BTN2A1: variants seen among roughly 807,000 people sequenced by gnomAD.
BTN2A1 encodes butyrophilin subfamily 2 member A1.
BTN2A1 carries 41 observed loss-of-function variants against 34.5 expected under a neutral mutation model. The observed-to-expected ratio is 1.19, with a 90% CI of 0.93 to 1.54. The LOEUF is 1.54. Ranked by LOEUF, BTN2A1 falls within the 40% of genes most tolerant of loss-of-function variation. The pLI is 0.00. For synonymous variants in BTN2A1, 267 were observed against 258.6 expected, an observed-to-expected ratio of 1.03 and a Z score of -0.31; for missense variants, 642 against 662.0, an observed-to-expected ratio of 0.97 and a Z score of 0.33.
Position 26,466,091 on chromosome 6 carries a change from G to C in BTN2A1, c.982+3G>C. On this transcript the variant is annotated splice_donor_region_variant and intron_variant, in intron 7 of 7. Coordinates refer to ENST00000312541, the MANE Select transcript of BTN2A1 (RefSeq NM_007049.5). ...GAGAAGAACATTCTTACATGCTGGT[G>C]AGTGCCTCTGATGTTCCCTCAGATC... The C allele has an allele frequency of 6.2e-7, 1 of 1,613,540 alleles. No homozygotes were observed. Among genetic ancestry groups the C allele is most frequent in the Non-Finnish European group, 8.5e-7 (1 of 1,180,016 alleles).
rs1763113267 is a variant in BTN2A1, at chr6:26,459,811, T to C, written c.413T>C (p.Leu138Pro). The C allele has an allele frequency of 6.2e-7, 1 of 1,613,152 alleles. No homozygotes were observed. The change falls in exon 3 of 8, where the codon CTG (leucine) becomes CCG (proline). Residue 138 changes from leucine (L) to proline (P), a missense_variant. Physicochemically the swap from Leu to Pro is moderately conservative, Grantham distance 98. Transcript: ENST00000312541. ...QEGRSYDEAI[L>P]HLVVAGLGSK... ...GGCAGGTCCTACGATGAGGCCATCC[T>C]GCACCTCGTAGTGGCAGGTGCGTCG...
chr6:26,468,164 T>G lies in BTN2A1; in HGVS notation c.1199T>G (p.Val400Gly), dbSNP rs1328777228. The part of the protein sequence containing the change: ...VEVENVIEWT[V>G]GVCRDSVERK... Reference sequence around the variant, plus strand: ...GTGGAAAACGTGATTGAGTGGACTGTGGGGGTCTGTAGAGACAGTGTTGAG... The same window carrying G: ...GTGGAAAACGTGATTGAGTGGACTGGGGGGGTCTGTAGAGACAGTGTTGAG... Residue 400 changes from valine (V) to glycine (G), a missense_variant, in exon 8 of 8, where the codon GTG becomes GGG. Coordinates refer to ENST00000312541, the MANE Select transcript of BTN2A1 (RefSeq NM_007049.5). 6.2e-6 allele frequency: 10 copies of G among 1,613,868 alleles called. No individual in the cohort carries two copies. In the East Asian group the frequency reaches 8.9e-5, roughly 14 times the overall value.
Position 26,459,723 on chromosome 6 carries a change from G to T in BTN2A1, c.325G>T (p.Ala109Ser). 1 of 1,614,122 alleles carries T rather than the reference G, an allele frequency of 6.2e-7. No homozygotes were observed. The highest frequency in any genetic ancestry group is 8.5e-7 in the Non-Finnish European group (1 of 1,180,014). The change falls in exon 3 of 8, where the codon GCC (alanine) becomes TCC (serine). Residue 109 changes from alanine to serine, a missense_variant. Coordinates refer to ENST00000312541, the MANE Select transcript of BTN2A1 (RefSeq NM_007049.5). ...CAAAGACATCAGCAGGGGCAGCGTG[G>T]CCCTGGTCATACACAACATCACAGC... ...VSKDISRGSV[A>S]LVIHNITAQE... is the part of the protein sequence containing the mutation.
At chr6:26,458,399 G>A (rs1763065982) in intron 1 of BTN2A1, among the ~76,000 whole-genome samples, 1 of 152,176 alleles carries the variant, frequency 6.6e-6, no homozygotes. Context: ...GAGGAGGGCG[G>A]AAAAAGGCCC....
chr6:26,468,569 C>G lies in BTN2A1; in HGVS notation c.*20C>G, dbSNP rs199776599. 22 of 1,614,172 alleles carry G rather than the reference C, an allele frequency of 1.4e-5. No individual in the cohort carries two copies. Among genetic ancestry groups the G allele is most frequent in the Non-Finnish European group, 5.1e-6 (6 of 1,180,036 alleles). On this transcript the variant is annotated 3_prime_UTR_variant, in exon 8 of 8. Coordinates refer to ENST00000312541, the MANE Select transcript of BTN2A1 (RefSeq NM_007049.5). ...CTATAGAATCAATTCCTTGGTCTCA[C>G]AGCCATGTAGACAAGCCCTGGTCAT...
rs554227538 is a variant in BTN2A1 at position 26,458,677 on chromosome 6, C to CCCTCCTCCT, written c.52_60dup (p.Leu18_Leu20dup). ...GCCCTGCACTTCTCCCGGCCAGCCT[C>CCCTCCTCCT]CCTCCTCCTCCTCCTCCTCAGCCTG... is the stretch of plus-strand genomic sequence containing the variant. On this transcript the variant is annotated inframe_insertion, in exon 2 of 8. Transcript: ENST00000312541. The CCCTCCTCCT allele has an allele frequency of 1.2e-6, 2 of 1,604,044 alleles. No individual in the cohort carries two copies. Among genetic ancestry groups the CCCTCCTCCT allele is most frequent in the African/African-American group, 1.3e-5 (1 of 74,588 alleles).
At chr6:26,462,130 CAGA>C (rs1373783874) in intron 3 of BTN2A1, among the ~76,000 whole-genome samples, 2 of 152,144 alleles carry the variant, frequency 1.3e-5, no homozygotes, top group Admixed American at 6.5e-5. Flanking sequence ...AGGAATTACT[CAGA>C]AGAAGTTTAG....
Position 26,467,948 on chromosome 6 carries a change from T to A in BTN2A1, c.983T>A (p.Val328Asp). 1 of 1,610,764 alleles carries A rather than the reference T, an allele frequency of 6.2e-7. No homozygotes were observed. The highest frequency in any genetic ancestry group is 8.5e-7 in the Non-Finnish European group (1 of 1,177,480). ...CCTAAACCTGAGACTTCCTCTGCAG[T>A]TGATGTGGTCCTGGATCCAGACACC... Reference protein sequence around the residue: ...LRWRRTFLHAVDVVLDPDTAH... With the variant: ...LRWRRTFLHADDVVLDPDTAH... The change falls in exon 8 of 8, where the codon GTT (valine) becomes GAT (aspartate). Residue 328 changes from valine to aspartate, a missense_variant and splice_region_variant. Physicochemically the swap from Val to Asp is radical, Grantham distance 152 (BLOSUM62 -3). Transcript: ENST00000312541.
At chr6:26,463,638 A>G (rs780906948) in intron 4 of BTN2A1, 113 bp downstream of exon 4, 239 of 1,270,162 alleles carry the variant, frequency 1.9e-4, no homozygotes, top group Non-Finnish European at 2.5e-4. Context: ...CCTGGGCCCT[A>G]AGGACCTGGA....
intron 2 of BTN2A1, 147 bp from the exon 3 acceptor site, chr6:26,459,334 A>G: frequency 1.1e-6 from 1 of 880,878 alleles, no homozygotes; most frequent in Non-Finnish European, 1.7e-6. Flanking sequence ...TCGACTAGCC[A>G]CAGCTACTGG....
At chr6:26,473,646 A>G (rs1763487398), downstream of BTN2A1, among the ~76,000 whole-genome samples, 1 of 152,366 alleles carries the variant, frequency 6.6e-6, no homozygotes, top group South Asian at 2.1e-4. Context: ...CTGCCACAGT[A>G]TCATTTTAAT....
chr6:26,465,660 C>G (rs562192318), intron 5 of BTN2A1, among the ~76,000 whole-genome samples: 7 of 152,208 alleles, frequency 4.6e-5, no homozygotes, highest in Non-Finnish European at 8.8e-5. Context: ...TTGGAACTCT[C>G]ATGTCCTTGG....
chr6:26,476,058 CTG>C (rs1288163843), intron 7 of BTN2A1: 22 of 1,326,198 alleles, frequency 1.7e-5, no homozygotes, highest in Non-Finnish European at 2.1e-5. Flanking sequence ...TGATTTCAAA[CTG>C]TGCTCATTTA....
At chr6:26,463,043 TG>T (rs1763206921) in intron 3 of BTN2A1, 200 bp from the exon 4 acceptor site, 4 of 894,940 alleles carry the variant, frequency 4.5e-6, no homozygotes, top group Non-Finnish European at 6.5e-6. Context: ...ACAGTTTATG[TG>T]GCCCATTGGC....
intron 3 of BTN2A1, among the ~76,000 whole-genome samples, chr6:26,460,103 G>C (rs894317306): frequency 6.6e-6 from 1 of 152,154 alleles, no homozygotes; most frequent in African/African-American, 2.4e-5. Flanking sequence ...AGTCTCGGAA[G>C]AGAAGTCTTA....
Position 26,465,236 on chromosome 6 carries a change from T to C in BTN2A1, c.764T>C (p.Val255Ala). The part of the protein sequence containing the change: ...SPCAVALPII[V>A]VILMIPIAVC... Reference sequence around the variant, plus strand: ...TGTGCAGTGGCCCTGCCTATCATTGTGGTTATTCTGATGATACCCATTGCC... The same window carrying C: ...TGTGCAGTGGCCCTGCCTATCATTGCGGTTATTCTGATGATACCCATTGCC... Residue 255 changes from valine to alanine, a missense_variant, in exon 5 of 8, where the codon GTG becomes GCG. Transcript: ENST00000312541. 1.2e-6 allele frequency: 2 copies of C among 1,614,128 alleles called. No homozygotes were observed. The highest frequency in any genetic ancestry group is 1.7e-6 in the Non-Finnish European group (2 of 1,179,950).
intron 4 of BTN2A1, among the ~76,000 whole-genome samples, 187 bp from the exon 5 acceptor site, chr6:26,464,998 C>A (rs1763269552): frequency 6.6e-6 from 1 of 152,180 alleles, no homozygotes; most frequent in African/African-American, 2.4e-5. Context: ...TACCTCTGGG[C>A]CTTGGCCCTG....
In BTN2A1 at chr6:26,468,445, G is replaced by C. The variant is rs775308913; in HGVS notation, c.1480G>C (p.Asp494His). 1.2e-6 allele frequency: 2 copies of C among 1,613,432 alleles called. No homozygotes were observed. The highest frequency in any genetic ancestry group is 2.2e-5 in the South Asian group (2 of 91,070). The change falls in exon 8 of 8, where the codon GAC (aspartate) becomes CAC (histidine). Residue 494 changes from aspartate to histidine, a missense_variant. Coordinates refer to ENST00000312541, the MANE Select transcript of BTN2A1 (RefSeq NM_007049.5). The stretch of plus-strand genomic sequence containing the variant: ...GCCCTTCTTCAGGTTGGGGTGTGAG[G>C]ACAGCCCCATCTTCATCTGCCCTGC... Reference protein sequence around the residue: ...VRPFFRLGCEDSPIFICPALT... With the variant: ...VRPFFRLGCEHSPIFICPALT...
At chr6:26,459,164 G>A (rs546392329) in intron 2 of BTN2A1, among the ~76,000 whole-genome samples, 1 of 152,264 alleles carries the variant, frequency 6.6e-6, no homozygotes, top group East Asian at 1.9e-4. Context: ...CTATTGCACG[G>A]CTCAAGTTTA....
Sources: gnomAD v4.1 joint callset for allele counts (sites outside exome capture counted in the v4.1 genomes callset) on GRCh38, gnomAD v4.1.1 for gene constraint, MANE v1.5 for transcripts, NCBI Gene and HGNC (gene_info 2026-07-23, HGNC 2026-07-21) for gene names.